PKNOX1: variants seen among roughly 807,000 people sequenced by gnomAD.
The protein encoded by PKNOX1 is PBX/knotted 1 homeobox 1, also known as homeobox protein PKNOX1.
A neutral mutation model predicts 51.9 loss-of-function variants in PKNOX1; 15 were observed. That is an observed-to-expected ratio of 0.29 (90% CI 0.19 to 0.45). PKNOX1 has a LOEUF of 0.45. Among genes scored for constraint, PKNOX1 ranks in the 20% least tolerant of loss-of-function variants. PKNOX1 has a pLI of 1.00. For missense variants in PKNOX1, 462 were observed against 547.5 expected, an observed-to-expected ratio of 0.84 and a Z score of 1.56; for synonymous variants, 219 against 211.1, an observed-to-expected ratio of 1.04 and a Z score of -0.32.
At chr21:42,991,464 C>T (rs992561736) in intron 1 of PKNOX1, among the ~76,000 whole-genome samples, 3 of 152,158 alleles carry the variant, frequency 2.0e-5, no homozygotes, top group East Asian at 1.9e-4. Context: ...TGGTGGCTCA[C>T]GCCTGTAGTC....
intron 1 of PKNOX1, among the ~76,000 whole-genome samples, chr21:43,001,821 G>A (rs1376954775): frequency 2.0e-5 from 3 of 151,954 alleles, no homozygotes; most frequent in East Asian, 1.9e-4. Flanking sequence ...TTAGCCGGAC[G>A]TAGTCGCAGG....
chr21:43,002,143 C>T (rs1268015954), intron 1 of PKNOX1, among the ~76,000 whole-genome samples: 15 of 152,182 alleles, frequency 9.9e-5, no homozygotes, highest in Admixed American at 2.6e-4. Flanking sequence ...AGGCATGAAC[C>T]GCCGTGTCCA....
rs34038446 is a variant in PKNOX1 at position 43,000,725 on chromosome 21, A to G, written c.-56-3601A>G. Among the ~76,000 whole-genome samples the G allele has an allele frequency of 5.3e-3, 598 of 112,538 alleles. 2 individuals are homozygous for G. Among genetic ancestry groups the G allele is most frequent in the African/African-American group, 0.018 (570 of 32,158 alleles). The allele number at this position is 112,538 out of a possible 152,430, so 73.8% of individuals were successfully genotyped here. ...AATATAGCAAGACTTCATCTCTACA[A>G]AAAATTTAAAAAGCCAGCATGGTGG... is the stretch of plus-strand genomic sequence containing the variant. On this transcript the variant is annotated intron_variant, in intron 1 of 10. Transcript: ENST00000291547.
Position 43,021,937 on chromosome 21 carries a change from C to T in PKNOX1, c.849+506C>T, listed in dbSNP as rs1225818673. Reference sequence around the variant, plus strand: ...CCCGGCTTCCTCCCCCGGGCCATGGCCGCGTCTTCTCCCTGTCCCCAGGAC... The same window carrying T: ...CCCGGCTTCCTCCCCCGGGCCATGGTCGCGTCTTCTCCCTGTCCCCAGGAC... On this transcript the variant is annotated intron_variant, in intron 8 of 10. Coordinates refer to ENST00000291547, the MANE Select transcript of PKNOX1 (RefSeq NM_004571.5). The surrounding 1 kb of genome is among the most constrained non-coding windows in gnomAD (Gnocchi z 4.6). Among the ~76,000 whole-genome samples the T allele has an allele frequency of 6.6e-6, 1 of 152,218 alleles. No homozygotes were observed. Among genetic ancestry groups the T allele is most frequent in the Non-Finnish European group, 1.5e-5 (1 of 68,036 alleles).
intron 1 of PKNOX1, among the ~76,000 whole-genome samples, chr21:42,977,969 C>A (rs143130154): frequency 6.6e-6 from 1 of 151,992 alleles, no homozygotes; most frequent in African/African-American, 2.4e-5. Flanking sequence ...CTAATCAGAC[C>A]ACTCATACTT....
At chr21:43,012,282 A>G (rs1407193116) in intron 4 of PKNOX1, among the ~76,000 whole-genome samples, 1 of 152,216 alleles carries the variant, frequency 6.6e-6, no homozygotes, top group Non-Finnish European at 1.5e-5. Context: ...AACTTTGGCC[A>G]GGCGTGGTGG....
chr21:42,975,038 G>C (rs2058985158), intron 1 of PKNOX1, among the ~76,000 whole-genome samples: 1 of 70,182 alleles, frequency 1.4e-5, no homozygotes, highest in Non-Finnish European at 2.9e-5. Context: ...TGCGGCGCGC[G>C]CCCCGGCGCG....
At chr21:43,008,689 G>A (rs1255104033) in intron 3 of PKNOX1, among the ~76,000 whole-genome samples, 1 of 152,072 alleles carries the variant, frequency 6.6e-6, no homozygotes, top group Non-Finnish European at 1.5e-5. Context: ...TGAGGTGGGA[G>A]AATCACTTGA....
At position 42,987,404 on chromosome 21, in the gene PKNOX1, AATAT is replaced by A. The variant is rs1170402960; in HGVS notation, c.-57+12761_-57+12764del. Among the ~76,000 whole-genome samples the A allele has an allele frequency of 3.4e-3, 142 of 41,394 alleles. 5 individuals are homozygous for A. Among genetic ancestry groups the A allele is most frequent in the Non-Finnish European group, 4.4e-3 (92 of 20,868 alleles). 27.2% of individuals were successfully genotyped at this position (41,394 alleles called of 152,430 possible). On this transcript the variant is annotated intron_variant, in intron 1 of 10. Transcript: ENST00000291547. ...TCTCAAAAAAAAAAAAAAAAAAAAA[AATAT>A]ATATATATATATATATATATGTATA...
intron 1 of PKNOX1, among the ~76,000 whole-genome samples, chr21:42,994,542 C>T (rs906496937): frequency 3.3e-5 from 5 of 151,326 alleles, no homozygotes; most frequent in African/African-American, 9.7e-5. Flanking sequence ...TGACTTTTCC[C>T]TCATATTATG....
chr21:42,985,357 C>T (rs899411813), intron 1 of PKNOX1, among the ~76,000 whole-genome samples: 2 of 151,892 alleles, frequency 1.3e-5, no homozygotes, highest in East Asian at 2.0e-4. Flanking sequence ...TGTTTTGAGA[C>T]GGAGTCTCAC....
chr21:42,983,954 A>G (rs1486621798), intron 1 of PKNOX1, among the ~76,000 whole-genome samples: 1 of 152,082 alleles, frequency 6.6e-6, no homozygotes, highest in African/African-American at 2.4e-5. Flanking sequence ...TTCCCTAATA[A>G]TTAGTGATGT....
At position 43,026,504 on chromosome 21, in the gene PKNOX1, A is replaced by G. The variant is rs112054952; in HGVS notation, c.926+1557A>G. On this transcript the variant is annotated intron_variant, in intron 9 of 10. Coordinates refer to ENST00000291547, the MANE Select transcript of PKNOX1 (RefSeq NM_004571.5). ...CCAGGCGCGGTGGCTCACACCTGTA[A>G]TCCCAGCACTTTGGGAGGCCGAGGT... Among the ~76,000 whole-genome samples, 794 of 152,262 alleles carry G rather than the reference A, an allele frequency of 5.2e-3. 7 individuals carry two copies. The highest frequency in any genetic ancestry group is 0.015 in the African/African-American group (643 of 41,546).
intron 1 of PKNOX1, among the ~76,000 whole-genome samples, chr21:42,981,925 A>G (rs1453455877): frequency 6.6e-6 from 1 of 152,108 alleles, no homozygotes; most frequent in African/African-American, 2.4e-5. Flanking sequence ...GGGCAGATGG[A>G]ACCATGGTTT....
intron 7 of PKNOX1, among the ~76,000 whole-genome samples, chr21:43,018,882 G>A (rs998089572): frequency 2.0e-5 from 3 of 152,142 alleles, no homozygotes; most frequent in African/African-American, 7.2e-5. Flanking sequence ...GAGGTCAGGA[G>A]TTCAAGACTA....
At chr21:43,005,274 G>T (rs182647309) in intron 2 of PKNOX1, among the ~76,000 whole-genome samples, 13 of 152,218 alleles carry the variant, frequency 8.5e-5, no homozygotes, top group African/African-American at 3.1e-4. Flanking sequence ...CAAGGATCAG[G>T]CTCCGGAAAA....
intron 1 of PKNOX1, among the ~76,000 whole-genome samples, chr21:42,978,764 A>G (rs1248226685): frequency 6.6e-6 from 1 of 151,606 alleles, no homozygotes; most frequent in Admixed American, 6.6e-5. Context: ...GATTACAGGC[A>G]TGAGCCACCG....
At chr21:42,990,313 A>C (rs1418339177) in intron 1 of PKNOX1, among the ~76,000 whole-genome samples, 2 of 152,190 alleles carry the variant, frequency 1.3e-5, no homozygotes, top group African/African-American at 4.8e-5. Context: ...GGCTTCCTGG[A>C]AACATCCATG....
chr21:42,990,106 AAAAT>A (rs1301539470), intron 1 of PKNOX1, among the ~76,000 whole-genome samples: 9 of 151,684 alleles, frequency 5.9e-5, no homozygotes, highest in African/African-American at 2.2e-4. Context: ...CAAAAAAAAA[AAAAT>A]AATAATAATA....
Sources: allele counts gnomAD v4.1 joint callset (sites outside exome capture counted in the v4.1 genomes callset), GRCh38; gene constraint gnomAD v4.1.1; non-coding constraint Gnocchi (gnomAD v3.1); transcripts MANE v1.5; gene names NCBI Gene and HGNC (gene_info 2026-07-23, HGNC 2026-07-21).